Variants in DIAPH2 observed in about 807,000 individuals in gnomAD.
The protein encoded by DIAPH2 is protein diaphanous homolog 2.
Under a neutral mutation model 92.7 loss-of-function variants are expected in DIAPH2, and 35 were observed. The ratio of observed to expected loss-of-function variants is 0.38; its 90% CI spans 0.29 to 0.50. The LOEUF is 0.50. DIAPH2 is among the 20% of genes least tolerant of loss of function. The probability of loss-of-function intolerance (pLI) is 0.94; values close to 1 mark genes in which losing one functional copy is unlikely to be tolerated. For missense variants in DIAPH2, 701 were observed against 819.5 expected (o/e 0.86, Z 1.77); for synonymous variants, 301 against 280.4 (o/e 1.07, Z -0.73).
chrX:97,180,443 G>A (rs1440825439), intron 22 of DIAPH2, among the ~76,000 whole-genome samples: 7 of 111,405 alleles, frequency 6.3e-5, no homozygotes, highest in Admixed American at 4.8e-4. Context: ...ATTTTCTCCC[G>A]TTCTGTAGGT....
chrX:96,798,104 C>T (rs906629273), intron 4 of DIAPH2, among the ~76,000 whole-genome samples: 12 of 111,912 alleles, frequency 1.1e-4, no homozygotes, highest in African/African-American at 3.2e-4. Context: ...TATAGGGAGC[C>T]GACTGTATCT....
chrX:97,085,988 C>T (rs1327555240), intron 19 of DIAPH2, among the ~76,000 whole-genome samples: 1 of 111,271 alleles, frequency 9.0e-6, no homozygotes, highest in Non-Finnish European at 1.9e-5. Context: ...TATCACTTTA[C>T]AGGAAAGACC....
chrX:96,737,812 G>A (rs925030927), intron 2 of DIAPH2, among the ~76,000 whole-genome samples: 1 of 111,675 alleles, frequency 9.0e-6, no homozygotes, highest in Admixed American at 9.5e-5. Context: ...TGGAAAAGCC[G>A]ATGTTTTTAT....
Position 96,987,801 on chromosome X carries a change from G to A in DIAPH2, c.2050+22594G>A, listed in dbSNP as rs1278391890. ...GTCAACTTTGGGGTCACTGTATCTT[G>A]AAGTTTAGAAATGGGAATAGAGAAG... On this transcript the variant is annotated intron_variant, in intron 17 of 26. Coordinates refer to ENST00000324765, the MANE Select transcript of DIAPH2 (RefSeq NM_006729.5). Among the ~76,000 whole-genome samples, 7 of 110,756 alleles carry A rather than the reference G, an allele frequency of 6.3e-5. No homozygotes were observed. In the East Asian group the frequency reaches 2.0e-3, roughly 31 times the overall value.
At chrX:97,336,243 CTTTTTTT>C (rs1186112131) in intron 23 of DIAPH2, among the ~76,000 whole-genome samples, 3 of 91,744 alleles carry the variant, frequency 3.3e-5, no homozygotes. Context: ...CTTTTCTTTT[CTTTTTTT>C]TTTTTTTTTT....
chrX:96,772,035 C>G (rs1163677611), intron 4 of DIAPH2, among the ~76,000 whole-genome samples: 3 of 107,773 alleles, frequency 2.8e-5, no homozygotes, highest in Non-Finnish European at 5.7e-5. Flanking sequence ...GAGACCCTGT[C>G]TCAAAAAAAA....
chrX:97,268,015 A>G (rs901177921), intron 23 of DIAPH2, among the ~76,000 whole-genome samples: 1 of 112,110 alleles, frequency 8.9e-6, no homozygotes, highest in Non-Finnish European at 1.9e-5. Context: ...CTTGGGTGTC[A>G]TTTAGAGCCA....
chrX:96,822,444 G>C, intron 4 of DIAPH2, among the ~76,000 whole-genome samples: 1 of 111,825 alleles, frequency 8.9e-6, no homozygotes, highest in Non-Finnish European at 1.9e-5. Flanking sequence ...TAATTCAAAG[G>C]TTTGGATGCC....
intron 4 of DIAPH2, among the ~76,000 whole-genome samples, chrX:96,877,347 C>G (rs2065187170): frequency 8.9e-6 from 1 of 111,896 alleles, no homozygotes. Context: ...AGATTAGAAA[C>G]TTATTTGATT....
chrX:97,371,907 A>T (rs778709389), intron 24 of DIAPH2, among the ~76,000 whole-genome samples: 8 of 112,327 alleles, frequency 7.1e-5, no homozygotes, highest in African/African-American at 2.6e-4. Context: ...TGGTTCAAAA[A>T]ATTGTAATTA....
intron 23 of DIAPH2, among the ~76,000 whole-genome samples, chrX:97,321,699 A>G (rs961807903): frequency 2.8e-5 from 3 of 108,522 alleles, no homozygotes; most frequent in Admixed American, 2.0e-4. Flanking sequence ...ACAGGCGCCC[A>G]CCACCAAGCC....
Position 97,207,720 on chromosome X carries a change from T to C in DIAPH2, c.2720-39995T>C, listed in dbSNP as rs761403814. Among the ~76,000 whole-genome samples, 3 of 111,597 alleles carry C rather than the reference T, an allele frequency of 2.7e-5. No homozygotes were observed. The East Asian group carries it at 8.4e-4, about 31-fold the overall frequency. ...ATTTGATTAATAAACCTTATGGAGC[T>C]TCACAAAAGTAATATTTTCATTAAG... On this transcript the variant is annotated intron_variant, in intron 22 of 26. Transcript: ENST00000324765.
chrX:96,933,645 C>G (rs1189682349), intron 10 of DIAPH2, among the ~76,000 whole-genome samples: 1 of 105,761 alleles, frequency 9.5e-6, no homozygotes, highest in Non-Finnish European at 1.9e-5. Flanking sequence ...TGCTCTGTCA[C>G]CAGGCTGGAG....
intron 17 of DIAPH2, among the ~76,000 whole-genome samples, chrX:97,064,490 G>A (rs780262274): frequency 9.1e-6 from 1 of 110,190 alleles, no homozygotes; most frequent in African/African-American, 3.3e-5. Flanking sequence ...GACTAGATAA[G>A]TATGGAACAC....
chrX:97,436,169 A>T (rs1254112448), intron 26 of DIAPH2, among the ~76,000 whole-genome samples: 1 of 111,882 alleles, frequency 8.9e-6, no homozygotes, highest in Admixed American at 9.5e-5. Flanking sequence ...ATAGCTATAG[A>T]TACTTAGAGC....
At chrX:97,519,531 T>A (rs1227137626) in intron 26 of DIAPH2, among the ~76,000 whole-genome samples, 3 of 111,588 alleles carry the variant, frequency 2.7e-5, no homozygotes, top group Non-Finnish European at 5.6e-5. Context: ...TTTAAAGGAA[T>A]AGTAGTCCAT....
At chrX:97,381,042 G>A (rs1450481246) in intron 24 of DIAPH2, among the ~76,000 whole-genome samples, 1 of 111,375 alleles carries the variant, frequency 9.0e-6, no homozygotes, top group Non-Finnish European at 1.9e-5. Context: ...CATTCATGTT[G>A]TTTTAGTGGT....
chrX:97,509,844 T>C (rs1175081853), intron 26 of DIAPH2, among the ~76,000 whole-genome samples: 1 of 110,872 alleles, frequency 9.0e-6, no homozygotes, highest in Non-Finnish European at 1.9e-5. Flanking sequence ...GAACTCATCA[T>C]TTTTTATGGC....
At chrX:97,054,181 A>G (rs778549281) in intron 17 of DIAPH2, among the ~76,000 whole-genome samples, 13 of 112,231 alleles carry the variant, frequency 1.2e-4, no homozygotes, top group Non-Finnish European at 2.3e-4. Flanking sequence ...TTGAAGGTCA[A>G]TAACTGGAAA....
Sources: allele counts gnomAD v4.1 joint callset (sites outside exome capture counted in the v4.1 genomes callset), GRCh38; gene constraint gnomAD v4.1.1; transcripts MANE v1.5; gene names NCBI Gene and HGNC (gene_info 2026-07-23, HGNC 2026-07-21).